The following RANBP17 variants were observed in gnomAD, a reference collection of about 807,000 sequenced individuals.
RANBP17 encodes RAN binding protein 17.
Under a neutral mutation model 141.2 loss-of-function variants are expected in RANBP17, and 158 were observed. The ratio of observed to expected loss-of-function variants is 1.12; its 90% confidence interval spans 0.98 to 1.28. The LOEUF (loss-of-function observed/expected upper bound fraction) is 1.28, where lower values mean the gene tolerates loss of function less well. Ranked by LOEUF, RANBP17 falls within the 50% of genes most tolerant of loss-of-function variation. The pLI is 0.00. For missense variants in RANBP17, 1,438 were observed against 1,290.7 expected, an observed-to-expected ratio of 1.11 and a Z score of -1.75; for synonymous variants, 430 against 450.0, an observed-to-expected ratio of 0.96 and a Z score of 0.56.
intron 14 of RANBP17, among the ~76,000 whole-genome samples, chr5:171,062,234 G>A (rs1021467800): frequency 2.2e-4 from 34 of 152,254 alleles, no homozygotes; most frequent in African/African-American, 7.9e-4. Flanking sequence ...CTCGTTAGTT[G>A]ATGGAGTTTC....
At chr5:170,883,210 A>G (rs899070747) in intron 3 of RANBP17, among the ~76,000 whole-genome samples, 6 of 152,248 alleles carry the variant, frequency 3.9e-5, no homozygotes, top group African/African-American at 1.4e-4. Context: ...GGGTTCAAAT[A>G]GTGTAAAGCT....
chr5:170,983,697 C>G (rs1203290446), intron 14 of RANBP17, among the ~76,000 whole-genome samples: 2 of 152,102 alleles, frequency 1.3e-5, no homozygotes, highest in African/African-American at 2.4e-5. Context: ...CTTTTTAAAT[C>G]ATGTATGTGT....
chr5:171,103,919 T>G (rs245773), intron 14 of RANBP17, among the ~76,000 whole-genome samples: 94,352 of 151,720 alleles, frequency 0.62, 30,412 homozygotes, highest in South Asian at 0.88. Flanking sequence ...CGGCTCGCCC[T>G]CTGTGGACTG....
chr5:171,119,414 T>C (rs891758694), intron 14 of RANBP17, among the ~76,000 whole-genome samples: 1 of 152,164 alleles, frequency 6.6e-6, no homozygotes, highest in African/African-American at 2.4e-5. Flanking sequence ...CTTCACATCA[T>C]TTTTTTAATA....
At chr5:170,868,660 T>A (rs899990069) in intron 1 of RANBP17, among the ~76,000 whole-genome samples, 1 of 152,228 alleles carries the variant, frequency 6.6e-6, no homozygotes, top group African/African-American at 2.4e-5. Context: ...TATGGGCTTC[T>A]AATGTTATCA....
chr5:171,136,237 A>G (rs1355483381), intron 14 of RANBP17, among the ~76,000 whole-genome samples: 1 of 152,232 alleles, frequency 6.6e-6, no homozygotes, highest in East Asian at 1.9e-4. Context: ...ATTAATCACA[A>G]ATTTTTTTAT....
chr5:171,298,697 C>T (rs940808377), intron 27 of RANBP17, 65 bp from the exon 28 acceptor site: 8 of 1,312,700 alleles, frequency 6.1e-6, no homozygotes, highest in Admixed American at 5.3e-5. Flanking sequence ...ATGGCCTTAT[C>T]GTCCAGAAAT....
intron 3 of RANBP17, among the ~76,000 whole-genome samples, chr5:170,886,553 A>G (rs1298343351): frequency 2.0e-5 from 3 of 151,626 alleles, no homozygotes; most frequent in Non-Finnish European, 4.4e-5. Context: ...AGATTTGTGT[A>G]TATTTTATGA....
intron 14 of RANBP17, among the ~76,000 whole-genome samples, chr5:171,121,954 G>C (rs1756069455): frequency 1.3e-5 from 2 of 152,206 alleles, no homozygotes; most frequent in Admixed American, 1.3e-4. Context: ...CAGTGCAGCT[G>C]CATGAATTTC....
chr5:171,175,935 G>A (rs1325816893), intron 16 of RANBP17, among the ~76,000 whole-genome samples: 1 of 151,980 alleles, frequency 6.6e-6, no homozygotes, highest in African/African-American at 2.4e-5. Flanking sequence ...GAGTTACTTG[G>A]TCAAAAAATG....
intron 14 of RANBP17, among the ~76,000 whole-genome samples, chr5:170,986,973 A>G (rs1778184838): frequency 6.6e-6 from 1 of 151,858 alleles, no homozygotes; most frequent in Admixed American, 6.6e-5. Flanking sequence ...CTGCTGTTTC[A>G]TGGTACTTGG....
In RANBP17 at chr5:170,950,738, C is replaced by G. The variant is rs550927290; in HGVS notation, c.1469-2859C>G. On this transcript the variant is annotated intron_variant, in intron 12 of 27. Coordinates refer to ENST00000523189, the MANE Select transcript of RANBP17 (RefSeq NM_022897.5). Reference sequence around the variant, plus strand: ...GCAATCCCAATACTGGGCATTTATCCAAAGGGAAAGAGTTCAGTATGTTAA... The same window carrying G: ...GCAATCCCAATACTGGGCATTTATCGAAAGGGAAAGAGTTCAGTATGTTAA... 1.2e-4 allele frequency among the ~76,000 whole-genome samples: 19 copies of G among 152,216 alleles called. 1 individual carries two copies. The South Asian group carries it at 3.7e-3, about 30-fold the overall frequency.
intron 12 of RANBP17, among the ~76,000 whole-genome samples, chr5:170,929,398 C>A (rs1001163583): frequency 1.3e-5 from 2 of 152,134 alleles, no homozygotes; most frequent in East Asian, 1.9e-4. Flanking sequence ...TGAGGAAGTT[C>A]TCTTCAATTC....
At chr5:171,274,149 T>TGCGCGCGC (rs1554127520) in intron 25 of RANBP17, among the ~76,000 whole-genome samples, 3 of 126,772 alleles carry the variant, frequency 2.4e-5, no homozygotes, top group East Asian at 4.3e-4. Context: ...TGTGTGTGTG[T>TGCGCGCGC]GCGCGCGCGC....
chr5:171,149,309 A>G (rs1273232166), intron 14 of RANBP17, among the ~76,000 whole-genome samples: 2 of 152,184 alleles, frequency 1.3e-5, no homozygotes, highest in African/African-American at 4.8e-5. Flanking sequence ...ACATAGTTAT[A>G]TATATTTTCT....
chr5:171,017,172 T>C (rs1780496475), intron 14 of RANBP17, among the ~76,000 whole-genome samples: 1 of 152,186 alleles, frequency 6.6e-6, no homozygotes, highest in East Asian at 1.9e-4. Flanking sequence ...GCATTTAAGT[T>C]GGTTCTATGT....
intron 12 of RANBP17, among the ~76,000 whole-genome samples, chr5:170,943,631 T>A (rs1774516192): frequency 6.6e-6 from 1 of 152,100 alleles, no homozygotes; most frequent in Non-Finnish European, 1.5e-5. Context: ...TATTATAAAA[T>A]GAGATTTAAA....
rs187975142 is a variant in RANBP17 at position 170,865,645 on chromosome 5, G to A, written c.18+3594G>A. Among the ~76,000 whole-genome samples, 37 of 152,202 alleles carry A rather than the reference G, an allele frequency of 2.4e-4. No homozygotes were observed. The East Asian group carries it at 7.0e-3, about 29-fold the overall frequency. Reference sequence around the variant, plus strand: ...GTTGAGTCTTTATAGAAGAATAATTGGGAGGACTTTATGACAAATTAGGTA... The same window carrying A: ...GTTGAGTCTTTATAGAAGAATAATTAGGAGGACTTTATGACAAATTAGGTA... On this transcript the variant is annotated intron_variant, in intron 1 of 27. Coordinates refer to ENST00000523189, the MANE Select transcript of RANBP17 (RefSeq NM_022897.5).
rs1348953202 is a variant in RANBP17 at position 171,241,748 on chromosome 5, C to T, written c.2637+606C>T. On this transcript the variant is annotated intron_variant, in intron 23 of 27. Coordinates refer to ENST00000523189, the MANE Select transcript of RANBP17 (RefSeq NM_022897.5). ...AACTGGTATGGTTCCAAGAATTTTT[C>T]TCTAATTTTTTTATTCTAATAGTCA... 2.0e-5 allele frequency among the ~76,000 whole-genome samples: 3 copies of T among 152,270 alleles called. No homozygotes were observed. In the East Asian group the frequency reaches 5.8e-4, roughly 29 times the overall value.
Sources: allele counts gnomAD v4.1 joint callset (sites outside exome capture counted in the v4.1 genomes callset), GRCh38; gene constraint gnomAD v4.1.1; transcripts MANE v1.5; gene names NCBI Gene and HGNC (gene_info 2026-07-23, HGNC 2026-07-21).